Variants in SLC16A7 observed in about 807,000 individuals in gnomAD.
SLC16A7 encodes solute carrier family 16 member 7, also known as monocarboxylate transporter 2.
In SLC16A7, 33 loss-of-function variants were observed where a neutral mutation model predicts 34.9. The observed-to-expected ratio is 0.94, with a 90% confidence interval of 0.72 to 1.26. SLC16A7 has a LOEUF of 1.26. Ranked by LOEUF, SLC16A7 falls within the 50% of genes most tolerant of loss-of-function variation. SLC16A7 has a pLI of 0.00. For synonymous variants in SLC16A7, 201 were observed against 206.6 expected (o/e 0.97, Z 0.23); for missense variants, 573 against 578.1 (o/e 0.99, Z 0.09).
chr12:59,756,367 G>A (rs1255240475), intron 3 of SLC16A7, among the ~76,000 whole-genome samples: 1 of 151,888 alleles, frequency 6.6e-6, no homozygotes, highest in Non-Finnish European at 1.5e-5. Flanking sequence ...TCTGACAAAG[G>A]GCTAATATCC....
intron 1 of SLC16A7, among the ~76,000 whole-genome samples, chr12:59,627,780 G>A (rs1022758931): frequency 2.0e-5 from 3 of 150,916 alleles, no homozygotes; most frequent in Admixed American, 6.6e-5. Context: ...TTCAGTTTCA[G>A]CTCAGGCCTT....
chr12:59,744,673 A>G (rs1878699198), intron 3 of SLC16A7, among the ~76,000 whole-genome samples: 1 of 152,178 alleles, frequency 6.6e-6, no homozygotes, highest in Admixed American at 6.5e-5. Flanking sequence ...CCACTGAGCT[A>G]TAAATACTTA....
chr12:59,671,854 T>A (rs1417269831), intron 2 of SLC16A7, among the ~76,000 whole-genome samples: 1 of 118,892 alleles, frequency 8.4e-6, no homozygotes, highest in Admixed American at 8.8e-5. Flanking sequence ...TGTATATATA[T>A]GTGTATATGT....
intron 2 of SLC16A7, among the ~76,000 whole-genome samples, chr12:59,661,531 C>G (rs968309257): frequency 1.6e-4 from 24 of 152,092 alleles, no homozygotes; most frequent in Non-Finnish European, 3.5e-4. Flanking sequence ...TTAAAGCACT[C>G]TCTCTCTGAA....
intron 3 of SLC16A7, among the ~76,000 whole-genome samples, chr12:59,755,301 G>C (rs1457064364): frequency 6.6e-6 from 1 of 152,176 alleles, no homozygotes; most frequent in Non-Finnish European, 1.5e-5. Flanking sequence ...ATTAGGAAAA[G>C]AGGAAGTTAA....
At position 59,688,089 on chromosome 12, in the gene SLC16A7, A is replaced by G. The variant is rs114966570; in HGVS notation, c.-30-16683A>G. On this transcript the variant is annotated intron_variant, in intron 2 of 5. Transcript: ENST00000547379. Reference sequence around the variant, plus strand: ...TCAACATGGCTCTTTCATAATCCTGATTATTGGTATTATTTTCTGACTCCA... The same window carrying G: ...TCAACATGGCTCTTTCATAATCCTGGTTATTGGTATTATTTTCTGACTCCA... 6.0e-4 allele frequency among the ~76,000 whole-genome samples: 91 copies of G among 152,088 alleles called. 1 individual carries two copies. Among genetic ancestry groups the G allele is most frequent in the African/African-American group, 2.1e-3 (88 of 41,516 alleles).
Position 59,727,151 on chromosome 12 carries a change from C to CATATATATAT in SLC16A7, c.217+22143_217+22152dup, listed in dbSNP as rs61274058. Among the ~76,000 whole-genome samples, 233 of 141,964 alleles carry CATATATATAT rather than the reference C, an allele frequency of 1.6e-3. 2 individuals are homozygous for CATATATATAT. Among genetic ancestry groups the CATATATATAT allele is most frequent in the African/African-American group, 6.0e-3 (227 of 37,896 alleles). The allele number at this position is 141,964 out of a possible 152,430, so 93.1% of individuals were successfully genotyped here. The stretch of plus-strand genomic sequence containing the variant: ...AAGATCATTAAAAATATGAGATGGA[C>CATATATATAT]ATATATATATATATATATAATATAT... On this transcript the variant is annotated intron_variant, in intron 3 of 5. Transcript: ENST00000547379.
chr12:59,664,976 G>A (rs1869075550), intron 2 of SLC16A7: 1 of 152,070 alleles, frequency 6.6e-6, no homozygotes, highest in African/African-American at 2.4e-5. Flanking sequence ...TCGTATTCGT[G>A]TTCATTGTAG....
chr12:59,779,824 AT>A lies in SLC16A7; in HGVS notation c.*149del. 1.6e-6 allele frequency: 1 copy of A among 615,100 alleles called. No individual in the cohort carries two copies. The highest frequency in any genetic ancestry group is 2.9e-5 in the East Asian group (1 of 33,982). 38.1% of individuals were successfully genotyped at this position (615,100 alleles called of 1,614,324 possible). The stretch of plus-strand genomic sequence containing the variant: ...GAGGTGATATTTTCCTCAATGGCAA[AT>A]TTTAAATTAGTTTTTAAAAACTTAC... On this transcript the variant is annotated 3_prime_UTR_variant, in exon 6 of 6. Transcript: ENST00000547379.
chr12:59,711,341 G>C (rs1243677064), intron 3 of SLC16A7, among the ~76,000 whole-genome samples: 1 of 152,136 alleles, frequency 6.6e-6, no homozygotes, highest in African/African-American at 2.4e-5. Context: ...AAAATGTGTT[G>C]GGTTTTACTA....
chr12:59,668,368 G>A (rs535458892), intron 2 of SLC16A7, among the ~76,000 whole-genome samples: 2 of 152,290 alleles, frequency 1.3e-5, no homozygotes, highest in South Asian at 4.1e-4. Flanking sequence ...CAAGGCCACG[G>A]GAACCCCCCT....
At chr12:59,680,238 G>GGCATCAGT (rs1467424531) in intron 2 of SLC16A7, among the ~76,000 whole-genome samples, 9 of 152,152 alleles carry the variant, frequency 5.9e-5, no homozygotes, top group Non-Finnish European at 1.3e-4. Flanking sequence ...AATGAAACAG[G>GGCATCAGT]GCATCAGTGA....
In SLC16A7 at chr12:59,707,509, A is replaced by C. The variant is rs570580940; in HGVS notation, c.217+2491A>C. 7.9e-5 allele frequency among the ~76,000 whole-genome samples: 12 copies of C among 152,076 alleles called. No individual in the cohort carries two copies. In the East Asian group the frequency reaches 1.7e-3, roughly 22 times the overall value. On this transcript the variant is annotated intron_variant, in intron 3 of 5. Coordinates refer to ENST00000547379, the MANE Select transcript of SLC16A7 (RefSeq NM_001270623.2). ...AAATGTTTTTATTTTATTCATACTT[A>C]TTTTTCTATTTTAATATATATGGTA...
At chr12:59,720,155 C>G in intron 3 of SLC16A7, 1 of 681,430 alleles carries the variant, frequency 1.5e-6, no homozygotes, top group Non-Finnish European at 2.7e-6. Context: ...CTAAAGAACA[C>G]AATTGGAAAG....
rs117907048 is a variant in SLC16A7 at position 59,652,400 on chromosome 12, G to T, written c.-129-2752G>T. Among the ~76,000 whole-genome samples, 22 of 151,814 alleles carry T rather than the reference G, an allele frequency of 1.4e-4. 1 individual carries two copies. In the East Asian group the frequency reaches 4.3e-3, roughly 29 times the overall value. ...GAGTTGGAAGAGATCATGAACCCTG[G>T]GTAATGCATTTCGTTGTAACTAAAA... On this transcript the variant is annotated intron_variant, in intron 1 of 5. Coordinates refer to ENST00000547379, the MANE Select transcript of SLC16A7 (RefSeq NM_001270623.2).
At chr12:59,753,976 G>A (rs543918481) in intron 3 of SLC16A7, among the ~76,000 whole-genome samples, 4 of 152,160 alleles carry the variant, frequency 2.6e-5, no homozygotes, top group South Asian at 2.1e-4. Context: ...TCAACTACAT[G>A]GAAACTGAAC....
At chr12:59,643,162 T>C (rs948778797) in intron 1 of SLC16A7, among the ~76,000 whole-genome samples, 2 of 152,130 alleles carry the variant, frequency 1.3e-5, no homozygotes, top group Admixed American at 1.3e-4. Context: ...ACTTTAATAT[T>C]TACTCCAATG....
intron 2 of SLC16A7, among the ~76,000 whole-genome samples, chr12:59,684,086 C>T (rs182227337): frequency 3.5e-4 from 53 of 152,212 alleles, no homozygotes; most frequent in East Asian, 1.2e-3. Flanking sequence ...TACAAGGAAA[C>T]GTGACTCTTG....
At chr12:59,755,988 C>CA (rs1376375878) in intron 3 of SLC16A7, among the ~76,000 whole-genome samples, 1 of 152,068 alleles carries the variant, frequency 6.6e-6, no homozygotes, top group African/African-American at 2.4e-5. Context: ...ACAAACCTGA[C>CA]AAAAACAAGC....
Sources: gnomAD v4.1 joint callset for allele counts (sites outside exome capture counted in the v4.1 genomes callset) on GRCh38, gnomAD v4.1.1 for gene constraint, MANE v1.5 for transcripts, NCBI Gene and HGNC (gene_info 2026-07-23, HGNC 2026-07-21) for gene names.